The following ZMIZ1 variants were observed in gnomAD, a reference collection of about 807,000 sequenced individuals.
ZMIZ1 encodes the protein zinc finger MIZ domain-containing protein 1.
Under a neutral mutation model 113.9 loss-of-function variants are expected in ZMIZ1, and 17 were observed. The ratio of observed to expected loss-of-function variants is 0.15; its 90% CI spans 0.10 to 0.22. The LOEUF (loss-of-function observed/expected upper bound fraction) is 0.22. Among genes scored for constraint, ZMIZ1 ranks in the 10% least tolerant of loss-of-function variants. The pLI is 1.00. For missense variants in ZMIZ1, 1,059 were observed against 1,477.8 expected, an observed-to-expected ratio of 0.72 and a Z score of 4.65; for synonymous variants, 607 against 603.1, an observed-to-expected ratio of 1.01 and a Z score of -0.09.
chr10:79,175,608 G>A (rs7905636), intron 4 of ZMIZ1, among the ~76,000 whole-genome samples: 2,572 of 117,886 alleles, frequency 0.022, 111 homozygotes, highest in African/African-American at 0.1. Flanking sequence ...GTGTGTGTGT[G>A]TGTGTGTGTG....
At chr10:79,098,811 C>G (rs899946645) in intron 1 of ZMIZ1, among the ~76,000 whole-genome samples, 3 of 152,174 alleles carry the variant, frequency 2.0e-5, no homozygotes, top group African/African-American at 7.2e-5. Flanking sequence ...AGCACCCTAC[C>G]GAGGACAGGC....
At chr10:79,204,795 G>A (rs1044756784) in intron 5 of ZMIZ1, among the ~76,000 whole-genome samples, 1 of 152,168 alleles carries the variant, frequency 6.6e-6, no homozygotes, top group Non-Finnish European at 1.5e-5. Context: ...GACGTGTATA[G>A]ATGATGAATG....
intron 1 of ZMIZ1, among the ~76,000 whole-genome samples, chr10:79,105,202 C>T (rs1168856327): frequency 1.3e-5 from 2 of 152,162 alleles, no homozygotes; most frequent in Non-Finnish European, 2.9e-5. Context: ...CTGTTAACCT[C>T]GGGTGTAAAA....
At chr10:79,305,964 G>A (rs777032050) in intron 21 of ZMIZ1, 136 bp from the exon 22 acceptor site, 41 of 1,364,632 alleles carry the variant, frequency 3.0e-5, no homozygotes, top group Non-Finnish European at 3.5e-5. Flanking sequence ...CCAGGCTTCC[G>A]CCTCGTCCAC....
chr10:79,222,160 G>A (rs1849003501), intron 7 of ZMIZ1, among the ~76,000 whole-genome samples: 2 of 152,210 alleles, frequency 1.3e-5, no homozygotes, highest in African/African-American at 2.4e-5. Flanking sequence ...GTGGCCCACA[G>A]ACACCTGAGA....
intron 5 of ZMIZ1, among the ~76,000 whole-genome samples, chr10:79,202,792 T>C (rs371735136): frequency 3.6e-4 from 55 of 152,322 alleles, no homozygotes; most frequent in African/African-American, 1.3e-3. Context: ...ACGAATGTTA[T>C]TCACTCCAGG....
At chr10:79,201,526 T>C in intron 4 of ZMIZ1, 58 bp from the exon 5 acceptor site, 2 of 1,303,182 alleles carry the variant, frequency 1.5e-6, no homozygotes, top group Middle Eastern at 1.9e-4. Flanking sequence ...GTTGGGAGGC[T>C]GCTCAAGGTT....
At chr10:79,311,299 G>C in intron 24 of ZMIZ1, 115 bp downstream of exon 24, 1 of 1,254,718 alleles carries the variant, frequency 8.0e-7, no homozygotes, top group Non-Finnish European at 1.1e-6. Context: ...GTGGGTGGGC[G>C]GTGGGAGGGC....
At chr10:79,310,387 G>A (rs939796246) in intron 23 of ZMIZ1, among the ~76,000 whole-genome samples, 6 of 152,310 alleles carry the variant, frequency 3.9e-5, no homozygotes, top group African/African-American at 7.2e-5. Flanking sequence ...GGCAGAAGGC[G>A]CCTTCGTACC....
At chr10:79,311,304 G>GGGGGGGGGGCC in intron 24 of ZMIZ1, 120 bp downstream of exon 24, 1 of 359,152 alleles carries the variant, frequency 2.8e-6, no homozygotes, top group Non-Finnish European at 5.5e-6. Context: ...TGGGCGGTGG[G>GGGGGGGGGGCC]AGGGCTTCAC....
At chr10:79,202,308 A>G (rs540184620) in intron 5 of ZMIZ1, among the ~76,000 whole-genome samples, 5 of 151,744 alleles carry the variant, frequency 3.3e-5, no homozygotes, top group Non-Finnish European at 7.4e-5. Context: ...ATTTAAAAAT[A>G]AGAACCCATT....
At chr10:79,302,620 C>T (rs962563015) in intron 18 of ZMIZ1, among the ~76,000 whole-genome samples, 1 of 147,424 alleles carries the variant, frequency 6.8e-6, no homozygotes, top group Non-Finnish European at 1.5e-5. Context: ...AGGGGATCTT[C>T]ATCAGGCAGA....
intron 6 of ZMIZ1, among the ~76,000 whole-genome samples, chr10:79,214,162 C>T (rs572921303): frequency 2.2e-4 from 34 of 152,176 alleles, no homozygotes; most frequent in Admixed American, 1.0e-3. Flanking sequence ...ATTCAACAGG[C>T]CATAAAGAGT....
At position 79,219,743 on chromosome 10, in the gene ZMIZ1, C is replaced by T. The variant is rs117667513; in HGVS notation, c.280+3469C>T. ...GACACTCTGACACTATGCAGGCTCCCAGGGATGAATTCTCAGTGTACCCAT... is the reference window on the plus strand; with the variant it reads ...GACACTCTGACACTATGCAGGCTCCTAGGGATGAATTCTCAGTGTACCCAT... On this transcript the variant is annotated intron_variant, in intron 7 of 24. Transcript: ENST00000334512. 3.8e-3 allele frequency among the ~76,000 whole-genome samples: 582 copies of T among 152,308 alleles called. 1 individual carries two copies. Among genetic ancestry groups the T allele is most frequent in the Non-Finnish European group, 5.7e-3 (389 of 68,014 alleles).
chr10:79,209,583 G>A (rs1270735644), intron 6 of ZMIZ1, among the ~76,000 whole-genome samples: 5 of 152,238 alleles, frequency 3.3e-5, no homozygotes, highest in African/African-American at 7.2e-5. Context: ...CATGGCCCAC[G>A]GGCACCAGGC....
intron 7 of ZMIZ1, among the ~76,000 whole-genome samples, chr10:79,218,584 GGT>G (rs55736085): frequency 1.0e-4 from 15 of 147,882 alleles, no homozygotes; most frequent in African/African-American, 1.8e-4. Context: ...TAATTAGAGG[GGT>G]GTGTGTGTGT....
intron 3 of ZMIZ1, among the ~76,000 whole-genome samples, chr10:79,153,559 C>G (rs1344954046): frequency 2.0e-5 from 3 of 152,244 alleles, no homozygotes; most frequent in Non-Finnish European, 4.4e-5. Context: ...CCCTGCAGAC[C>G]ACCACTGGCT....
At chr10:79,285,599 T>A (rs754141479) in intron 8 of ZMIZ1, 5 of 455,968 alleles carry the variant, frequency 1.1e-5, no homozygotes, top group Admixed American at 2.3e-5. Flanking sequence ...AATGGACATA[T>A]TCATTTTCAG....
Position 79,312,753 on chromosome 10 carries a change from C to T in ZMIZ1, c.*4C>T. On this transcript the variant is annotated 3_prime_UTR_variant, in exon 25 of 25. Coordinates refer to ENST00000334512, the MANE Select transcript of ZMIZ1 (RefSeq NM_020338.4). ...GTCTCTATTTGAGAACAACTGAGGGCCACCCGGTCGGGGCCATCCCTCCAC... is the reference window on the plus strand; with the variant it reads ...GTCTCTATTTGAGAACAACTGAGGGTCACCCGGTCGGGGCCATCCCTCCAC... The T allele has an allele frequency of 6.2e-7, 1 of 1,613,670 alleles. No individual in the cohort carries two copies. Among genetic ancestry groups the T allele is most frequent in the Non-Finnish European group, 8.5e-7 (1 of 1,179,522 alleles).
Sources: allele counts gnomAD v4.1 joint callset (sites outside exome capture counted in the v4.1 genomes callset), GRCh38; gene constraint gnomAD v4.1.1; transcripts MANE v1.5; gene names NCBI Gene and HGNC (gene_info 2026-07-23, HGNC 2026-07-21).